Variants in NF1 observed in about 807,000 individuals in gnomAD.
The protein encoded by NF1 is neurofibromin.
NF1 carries 122 observed loss-of-function variants against 325.7 expected under a neutral mutation model. That is an observed-to-expected ratio of 0.37 (90% CI 0.32 to 0.44). NF1 has a LOEUF of 0.44. Among genes scored for constraint, NF1 ranks in the 20% least tolerant of loss-of-function variants. The probability of loss-of-function intolerance (pLI) is 1.00; values close to 1 mark genes in which losing one functional copy is unlikely to be tolerated. For synonymous variants in NF1, 1,091 were observed against 1,186.0 expected, an observed-to-expected ratio of 0.92 and a Z score of 1.65; for missense variants, 2,140 against 3,415.4, an observed-to-expected ratio of 0.63 and a Z score of 9.31.
chr17:31,201,304 A>G, intron 10 of NF1, 107 bp from the exon 11 acceptor site: 1 of 1,458,458 alleles, frequency 6.9e-7, no homozygotes, highest in South Asian at 1.2e-5. Flanking sequence ...TTAAAAACTT[A>G]GTGTTTTTTT....
intron 36 of NF1, among the ~76,000 whole-genome samples, chr17:31,280,215 T>TTA (rs1369521541): frequency 1.7e-4 from 26 of 150,934 alleles, no homozygotes; most frequent in African/African-American, 6.4e-4. Context: ...TTTTAATTTT[T>TTA]TTTTTTTTTA....
intron 11 of NF1, among the ~76,000 whole-genome samples, chr17:31,204,935 A>G (rs568097556): frequency 1.3e-5 from 2 of 152,288 alleles, no homozygotes; most frequent in East Asian, 1.9e-4. Flanking sequence ...CCATTATACT[A>G]TCAGACTAAA....
At chr17:31,358,016 A>G (rs933811352) in intron 54 of NF1, 3 of 179,380 alleles carry the variant, frequency 1.7e-5, no homozygotes, top group Non-Finnish European at 3.5e-5. Context: ...TGCTTTCCCT[A>G]TTTGATCTGA....
intron 36 of NF1, among the ~76,000 whole-genome samples, chr17:31,276,383 G>A (rs1406919982): frequency 6.6e-6 from 1 of 152,112 alleles, no homozygotes; most frequent in Non-Finnish European, 1.5e-5. Context: ...ACAGGCTTGA[G>A]TTTAACTTTC....
At chr17:31,198,863 C>T (rs1171883403) in intron 8 of NF1, among the ~76,000 whole-genome samples, 1 of 152,178 alleles carries the variant, frequency 6.6e-6, no homozygotes, top group Admixed American at 6.5e-5. Flanking sequence ...AAGTGATTCG[C>T]CTGCTTTGGC....
At chr17:31,110,150 G>T (rs1436390710) in intron 1 of NF1, among the ~76,000 whole-genome samples, 1 of 152,104 alleles carries the variant, frequency 6.6e-6, no homozygotes, top group African/African-American at 2.4e-5. Flanking sequence ...TATACAGGGA[G>T]AATTTAATTT....
chr17:31,140,750 GT>G (rs1567807891), intron 1 of NF1, among the ~76,000 whole-genome samples: 4 of 152,178 alleles, frequency 2.6e-5, no homozygotes, highest in Admixed American at 2.6e-4. Context: ...GTATGTGTGT[GT>G]TTATACAATG....
chr17:31,264,435 A>G (rs532842666), intron 35 of NF1, among the ~76,000 whole-genome samples: 2 of 152,074 alleles, frequency 1.3e-5, no homozygotes, highest in South Asian at 2.1e-4. Flanking sequence ...AATTAAATTT[A>G]TAGCTGAAGC....
intron 29 of NF1, among the ~76,000 whole-genome samples, chr17:31,247,920 C>G (rs908455188): frequency 1.3e-5 from 2 of 152,136 alleles, no homozygotes; most frequent in Non-Finnish European, 2.9e-5. Context: ...CTACATCATT[C>G]AGCCGGGCGT....
At chr17:31,324,764 G>A (rs1010667438) in intron 36 of NF1, among the ~76,000 whole-genome samples, 1 of 152,174 alleles carries the variant, frequency 6.6e-6, no homozygotes, top group African/African-American at 2.4e-5. Flanking sequence ...GTTTTGCCAT[G>A]TTGGCCAGGC....
At chr17:31,187,814 A>G (rs989255799) in intron 8 of NF1, among the ~76,000 whole-genome samples, 8 of 152,098 alleles carry the variant, frequency 5.3e-5, no homozygotes, top group Admixed American at 3.9e-4. Flanking sequence ...GAACGCTGCC[A>G]CCAGGAGACA....
At chr17:31,175,943 T>C (rs2066015244) in intron 5 of NF1, among the ~76,000 whole-genome samples, 2 of 152,228 alleles carry the variant, frequency 1.3e-5, no homozygotes, top group African/African-American at 4.8e-5. Context: ...TTGGATTGGT[T>C]CCAAGTCTTT....
At chr17:31,201,514 T>C (rs1567836159) in intron 11 of NF1, 29 bp downstream of exon 11, 5 of 1,547,582 alleles carry the variant, frequency 3.2e-6, no homozygotes, top group Non-Finnish European at 4.4e-6. Flanking sequence ...GCTAAATTAC[T>C]AAAAAAATTT....
intron 36 of NF1, among the ~76,000 whole-genome samples, chr17:31,291,041 TA>T (rs1440716138): frequency 2.0e-5 from 3 of 151,948 alleles, no homozygotes; most frequent in Non-Finnish European, 4.4e-5. Context: ...AATAAATAAA[TA>T]AGTTAATGTA....
intron 30 of NF1, among the ~76,000 whole-genome samples, chr17:31,249,790 T>C (rs1223241559): frequency 6.6e-6 from 1 of 152,190 alleles, no homozygotes; most frequent in Admixed American, 6.5e-5. Flanking sequence ...ACATTGCAGT[T>C]TTAGGAATTA....
chr17:31,325,074 T>C (rs772144652), intron 36 of NF1, among the ~76,000 whole-genome samples: 11 of 152,220 alleles, frequency 7.2e-5, no homozygotes, highest in Admixed American at 3.3e-4. Flanking sequence ...CTTTTGGTTT[T>C]AAGCAACATA....
In NF1 at chr17:31,229,664, T is replaced by TA. The variant is rs1456726061; in HGVS notation, c.2851-170dup. ...TGGTGTGTATGTGTGCCTAAGGGTA[T>TA]ACGTGCCCTGTGTATGGGTACGAGT... On this transcript the variant is annotated intron_variant, in intron 21 of 57. Transcript: ENST00000358273. 5.2e-6 allele frequency: 5 copies of TA among 964,856 alleles called. No individual in the cohort carries two copies. In the East Asian group the frequency reaches 1.2e-4, roughly 23 times the overall value. The allele number at this position is 964,856 out of a possible 1,614,324, so 59.8% of individuals were successfully genotyped here. A position where few individuals can be genotyped will look rare whatever the true frequency, so the allele number is the denominator to read the frequency against.
chr17:31,125,135 T>G (rs1914769778), intron 1 of NF1, among the ~76,000 whole-genome samples: 1 of 152,156 alleles, frequency 6.6e-6, no homozygotes, highest in Non-Finnish European at 1.5e-5. Flanking sequence ...TTTCTTTTCT[T>G]TATGTCTCCA....
At chr17:31,285,455 C>T (rs776799415) in intron 36 of NF1, among the ~76,000 whole-genome samples, 34 of 152,110 alleles carry the variant, frequency 2.2e-4, no homozygotes, top group Non-Finnish European at 4.6e-4. Context: ...TTGTCAAAGT[C>T]TGAAATACAT....
Sources: gnomAD v4.1 joint callset for allele counts (sites outside exome capture counted in the v4.1 genomes callset) on GRCh38, gnomAD v4.1.1 for gene constraint, MANE v1.5 for transcripts, NCBI Gene and HGNC (gene_info 2026-07-23, HGNC 2026-07-21) for gene names.